WIPF3: variants seen among roughly 807,000 people sequenced by gnomAD.
The protein encoded by WIPF3 is WAS/WASL-interacting protein family member 3.
In WIPF3, 33 loss-of-function variants were observed where a neutral mutation model predicts 38.9. The observed-to-expected ratio is 0.85, with a 90% CI of 0.64 to 1.14. The LOEUF (loss-of-function observed/expected upper bound fraction) is 1.14. Among genes scored for constraint, WIPF3 ranks in the 50% most tolerant of loss-of-function variants. WIPF3 has a pLI of 0.00. For missense variants in WIPF3, 711 were observed against 652.5 expected (o/e 1.09, Z -0.98); for synonymous variants, 324 against 269.3 (o/e 1.20, Z -1.99).
In WIPF3 at chr7:29,909,895, C is replaced by CAAA. The variant is rs57930525; in HGVS notation, c.1429-4589_1429-4587dup. ...TGGGTGACAGAGTGAAACCCTGTCT[C>CAAA]AAAAAAAAAAAGAAAAAGAAGATAG... On this transcript the variant is annotated intron_variant, in intron 8 of 8. Coordinates refer to ENST00000242140, the MANE Select transcript of WIPF3 (RefSeq NM_001080529.3). 2.8e-3 allele frequency among the ~76,000 whole-genome samples: 275 copies of CAAA among 99,546 alleles called. 2 individuals are homozygous for CAAA. The highest frequency in any genetic ancestry group is 0.027 in the South Asian group (64 of 2,398). The allele number at this position is 99,546 out of a possible 152,430, so 65.3% of individuals were successfully genotyped here. A position where few individuals can be genotyped will look rare whatever the true frequency, so the allele number is the denominator to read the frequency against.
intron 2 of WIPF3, among the ~76,000 whole-genome samples, chr7:29,845,373 CA>C (rs1583600571): frequency 6.6e-6 from 1 of 152,200 alleles, no homozygotes; most frequent in African/African-American, 2.4e-5. Flanking sequence ...GGCTATCATG[CA>C]AATTTAACTG....
At position 29,858,351 on chromosome 7, in the gene WIPF3, G is replaced by T. The variant is rs541588726; in HGVS notation, c.91-17479G>T. On this transcript the variant is annotated intron_variant, in intron 2 of 8. Coordinates refer to ENST00000242140, the MANE Select transcript of WIPF3 (RefSeq NM_001080529.3). ...TGGGTTAACTTCACTGAAATACCAA[G>T]GAGGCAGAGACCCATCAGCACAAAA... 8.5e-5 allele frequency among the ~76,000 whole-genome samples: 13 copies of T among 152,290 alleles called. No homozygotes were observed. In the South Asian group the frequency reaches 2.7e-3, roughly 32 times the overall value.
rs1786630072 is a variant in WIPF3 at position 29,917,005 on chromosome 7, G to A, written c.*2489G>A. On this transcript the variant is annotated 3_prime_UTR_variant, in exon 9 of 9. Transcript: ENST00000242140. ...GTTTCACGTGTATTTTATATTTATT[G>A]ATGTCTCCTTCCGCAGATTCATTTC... 6.6e-6 allele frequency: 1 copy of A among 152,098 alleles called. No individual in the cohort carries two copies. Among genetic ancestry groups the A allele is most frequent in the African/African-American group, 2.4e-5 (1 of 41,400 alleles). 9.4% of individuals were successfully genotyped at this position (152,098 alleles called of 1,614,324 possible).
At chr7:29,807,262 A>G (rs1784297889) in intron 1 of WIPF3, among the ~76,000 whole-genome samples, 1 of 152,144 alleles carries the variant, frequency 6.6e-6, no homozygotes, top group Non-Finnish European at 1.5e-5. Context: ...GCTCATGGGG[A>G]CAGAGCGCAG....
intron 2 of WIPF3, among the ~76,000 whole-genome samples, chr7:29,865,717 G>T (rs1785374034): frequency 6.6e-6 from 1 of 152,194 alleles, no homozygotes; most frequent in Non-Finnish European, 1.5e-5. Context: ...GAATGGAAGA[G>T]AATTCCATTA....
At chr7:29,881,925 G>GA (rs1785726986) in intron 4 of WIPF3, among the ~76,000 whole-genome samples, 1 of 152,170 alleles carries the variant, frequency 6.6e-6, no homozygotes, top group African/African-American at 2.4e-5. Context: ...CATTGTGAAG[G>GA]ACAGCCTCCT....
At chr7:29,817,910 G>T (rs1784481268) in intron 1 of WIPF3, among the ~76,000 whole-genome samples, 1 of 152,000 alleles carries the variant, frequency 6.6e-6, no homozygotes, top group Non-Finnish European at 1.5e-5. Context: ...ATGATATTTA[G>T]TCTTCCTACC....
chr7:29,872,676 G>A (rs1436714899), intron 2 of WIPF3, among the ~76,000 whole-genome samples: 1 of 151,642 alleles, frequency 6.6e-6, no homozygotes, highest in African/African-American at 2.4e-5. Flanking sequence ...GGCGCCTGTA[G>A]TCCCAGCAAC....
chr7:29,895,548 C>T (rs1174205211), intron 7 of WIPF3, among the ~76,000 whole-genome samples: 1 of 152,200 alleles, frequency 6.6e-6, no homozygotes, highest in Non-Finnish European at 1.5e-5. Context: ...TTTGTTCTCA[C>T]ATTGTTATAA....
chr7:29,862,463 TG>T (rs770964193), intron 2 of WIPF3, among the ~76,000 whole-genome samples: 6 of 152,198 alleles, frequency 3.9e-5, no homozygotes, highest in Admixed American at 1.3e-4. Flanking sequence ...TTTGTTGGCC[TG>T]GGGATATATT....
intron 7 of WIPF3, 128 bp from the exon 8 acceptor site, chr7:29,904,154 AACAG>A (rs1464262544): frequency 1.3e-6 from 1 of 748,404 alleles, no homozygotes; most frequent in Non-Finnish European, 2.2e-6. Flanking sequence ...GAGTGGTGGA[AACAG>A]ACAGTCTAGG....
At chr7:29,834,254 C>T (rs1219917260) in intron 1 of WIPF3, among the ~76,000 whole-genome samples, 1 of 152,086 alleles carries the variant, frequency 6.6e-6, no homozygotes, top group Non-Finnish European at 1.5e-5. Flanking sequence ...ATTCTGTTTG[C>T]TCTGCTTAGG....
Position 29,878,876 on chromosome 7 carries a change from T to G in WIPF3, c.224-133T>G. Reference sequence around the variant, plus strand: ...TTGGGGAGGATGCTGAGTGAAAGGATGACATTGGAGGTGGGAGAATGGGAA... The same window carrying G: ...TTGGGGAGGATGCTGAGTGAAAGGAGGACATTGGAGGTGGGAGAATGGGAA... On this transcript the variant is annotated intron_variant, in intron 3 of 8. Coordinates refer to ENST00000242140, the MANE Select transcript of WIPF3 (RefSeq NM_001080529.3). The surrounding 1 kb of genome is among the most constrained non-coding windows in gnomAD (Gnocchi z 4.0). 2.9e-6 allele frequency: 3 copies of G among 1,041,676 alleles called. No individual in the cohort carries two copies. The highest frequency in any genetic ancestry group is 4.1e-6 in the Non-Finnish European group (3 of 724,956). 64.5% of individuals were successfully genotyped at this position (1,041,676 alleles called of 1,614,324 possible). A position where few individuals can be genotyped will look rare whatever the true frequency, so the allele number is the denominator to read the frequency against.
At position 29,823,443 on chromosome 7, in the gene WIPF3, T is replaced by A. The variant is rs1310032668; in HGVS notation, c.-57-11225T>A. 6.6e-6 allele frequency among the ~76,000 whole-genome samples: 1 copy of A among 152,228 alleles called. No homozygotes were observed. Among genetic ancestry groups the A allele is most frequent in the Non-Finnish European group, 1.5e-5 (1 of 68,040 alleles). Reference sequence around the variant, plus strand: ...AGAAACTTTGACAGTTCTCTTCCCTTTTCTAGTTTGCAATATTTTTCTTTA... The same window carrying A: ...AGAAACTTTGACAGTTCTCTTCCCTATTCTAGTTTGCAATATTTTTCTTTA... On this transcript the variant is annotated intron_variant, in intron 1 of 8. Transcript: ENST00000242140. This position sits in a 1 kb window ranked among gnomAD's most constrained non-coding sequence, Gnocchi z 4.0.
Position 29,821,620 on chromosome 7 carries a change from C to T in WIPF3, c.-57-13048C>T, listed in dbSNP as rs77900541. Among the ~76,000 whole-genome samples, 944 of 152,262 alleles carry T rather than the reference C, an allele frequency of 6.2e-3. 5 individuals are homozygous for T. Among genetic ancestry groups the T allele is most frequent in the Non-Finnish European group, 0.011 (725 of 68,014 alleles). ...CTTTAAATGTATAGAATTAAATCTT[C>T]CTTTTGAAAAGCTTTCTTAAATTAT... On this transcript the variant is annotated intron_variant, in intron 1 of 8. Coordinates refer to ENST00000242140, the MANE Select transcript of WIPF3 (RefSeq NM_001080529.3).
intron 4 of WIPF3, among the ~76,000 whole-genome samples, chr7:29,882,076 C>T (rs1459086674): frequency 6.6e-6 from 1 of 152,236 alleles, no homozygotes; most frequent in African/African-American, 2.4e-5. Flanking sequence ...CTCGCTTCTG[C>T]TGCGCATGTT....
Position 29,884,016 on chromosome 7 carries a change from GCCCCCTCCCACCCCA to G in WIPF3, c.531_545del (p.Thr178_Pro182del), listed in dbSNP as rs555650905. The stretch of plus-strand genomic sequence containing the variant: ...CGCCTCGCCCCAACGTGCCTGCCCC[GCCCCCTCCCACCCCA>G]CCCCCTCCGCCTCCACCCTTACCCC... On this transcript the variant is annotated inframe_deletion, in exon 5 of 9. Transcript: ENST00000242140. The G allele has an allele frequency of 1.0e-3, 812 of 812,430 alleles. 1 individual carries two copies. In the African/African-American group the frequency reaches 0.026, roughly 26 times the overall value. 50.3% of individuals were successfully genotyped at this position (812,430 alleles called of 1,614,324 possible). A position where few individuals can be genotyped will look rare whatever the true frequency, so the allele number is the denominator to read the frequency against.
chr7:29,848,353 C>T (rs1305316677), intron 2 of WIPF3, among the ~76,000 whole-genome samples: 2 of 152,210 alleles, frequency 1.3e-5, no homozygotes, highest in African/African-American at 2.4e-5. Flanking sequence ...TCACAAGCAG[C>T]TTCACCAGTA....
chr7:29,845,986 A>G (rs1326022298), intron 2 of WIPF3, among the ~76,000 whole-genome samples: 1 of 152,226 alleles, frequency 6.6e-6, no homozygotes, highest in Admixed American at 6.5e-5. Context: ...AACACCATCA[A>G]CATTGGACCT....
Sources: allele counts gnomAD v4.1 joint callset (sites outside exome capture counted in the v4.1 genomes callset), GRCh38; gene constraint gnomAD v4.1.1; non-coding constraint Gnocchi (gnomAD v3.1); transcripts MANE v1.5; gene names NCBI Gene and HGNC (gene_info 2026-07-23, HGNC 2026-07-21).